COL22A1: variants seen among roughly 807,000 people sequenced by gnomAD.
The protein encoded by COL22A1 is collagen type XXII alpha 1 chain.
A neutral mutation model predicts 248.9 loss-of-function variants in COL22A1; 221 were observed. That is an observed-to-expected ratio of 0.89 (90% CI 0.80 to 0.99). The LOEUF (loss-of-function observed/expected upper bound fraction) is 0.99. COL22A1 is among the 50% of genes least tolerant of loss of function. The pLI, the probability that COL22A1 is intolerant of heterozygous loss-of-function variation, is 0.00. For synonymous variants in COL22A1, 891 were observed against 793.4 expected, an observed-to-expected ratio of 1.12 and a Z score of -2.07; for missense variants, 2,240 against 2,179.0, an observed-to-expected ratio of 1.03 and a Z score of -0.56.
chr8:138,772,888 CA>C (rs1260999024), intron 16 of COL22A1, among the ~76,000 whole-genome samples: 1 of 152,024 alleles, frequency 6.6e-6, no homozygotes, highest in Non-Finnish European at 1.5e-5. Context: ...AAAACAACAA[CA>C]AAAAACCCAT....
chr8:138,794,962 A>G (rs1174556254), intron 12 of COL22A1, among the ~76,000 whole-genome samples: 1 of 152,162 alleles, frequency 6.6e-6, no homozygotes, highest in Non-Finnish European at 1.5e-5. Context: ...AAGCAAAACG[A>G]ATGCATTCTA....
chr8:138,906,658 C>CT (rs371559054), intron 1 of COL22A1, among the ~76,000 whole-genome samples: 13,147 of 144,328 alleles, frequency 0.091, 619 homozygotes, highest in Non-Finnish European at 0.097. Flanking sequence ...CTTTCTTTTT[C>CT]TTTTTTTTTT....
intron 16 of COL22A1, among the ~76,000 whole-genome samples, chr8:138,768,978 G>T (rs1278399655): frequency 6.6e-6 from 1 of 151,790 alleles, no homozygotes; most frequent in Non-Finnish European, 1.5e-5. Context: ...CAACTCAAAT[G>T]CTACCTCCCC....
At chr8:138,689,834 A>G (rs1300224632) in intron 36 of COL22A1, among the ~76,000 whole-genome samples, 1 of 152,196 alleles carries the variant, frequency 6.6e-6, no homozygotes, top group Non-Finnish European at 1.5e-5. Flanking sequence ...GTACGCTCAG[A>G]GCGATGACAG....
intron 3 of COL22A1, among the ~76,000 whole-genome samples, chr8:138,855,234 A>G (rs750188428): frequency 7.9e-5 from 12 of 152,230 alleles, no homozygotes; most frequent in Non-Finnish European, 1.2e-4. Context: ...TTCACTTTGC[A>G]TACATATCAA....
chr8:138,764,772 A>G (rs986324117), intron 16 of COL22A1, among the ~76,000 whole-genome samples: 1 of 152,138 alleles, frequency 6.6e-6, no homozygotes, highest in Admixed American at 6.5e-5. Flanking sequence ...CACCCTGGCC[A>G]ACATGGTGAA....
chr8:138,821,263 G>C lies in COL22A1; in HGVS notation c.1118C>G (p.Ala373Gly). 1 of 1,614,196 alleles carries C rather than the reference G, an allele frequency of 6.2e-7. No individual in the cohort carries two copies. The highest frequency in any genetic ancestry group is 8.5e-7 in the Non-Finnish European group (1 of 1,180,032). ...DWHKMALSIQ[A>G]QNVSLHIDCA... The stretch of plus-strand genomic sequence containing the variant: ...GTCAATGTGCAGGGAGACGTTCTGG[G>C]CCTGGATGCTCAGGGCCATCTTGTG... Residue 373 changes from alanine to glycine, a missense_variant, in exon 7 of 65, where the codon GCC (alanine) becomes GGC (glycine). Physicochemically the swap from Ala to Gly is moderately conservative, Grantham distance 60. Coordinates refer to ENST00000303045, the MANE Select transcript of COL22A1 (RefSeq NM_152888.3).
At chr8:138,841,894 T>C (rs1563832966) in intron 4 of COL22A1, among the ~76,000 whole-genome samples, 1 of 152,172 alleles carries the variant, frequency 6.6e-6, no homozygotes, top group Non-Finnish European at 1.5e-5. Context: ...GCTCTGAATA[T>C]TGCAACGCAG....
chr8:138,697,958 C>T (rs910771905), intron 32 of COL22A1, among the ~76,000 whole-genome samples: 11 of 152,218 alleles, frequency 7.2e-5, no homozygotes, highest in Non-Finnish European at 1.5e-4. Flanking sequence ...CCCAGGCTCC[C>T]GCAGCAATGC....
chr8:138,700,634 ACT>A (rs1442972837), intron 31 of COL22A1, among the ~76,000 whole-genome samples: 4 of 151,832 alleles, frequency 2.6e-5, no homozygotes, highest in African/African-American at 9.7e-5. Context: ...GGCTACAAAG[ACT>A]CTGGCGGACT....
At chr8:138,740,047 A>G (rs1327209504) in intron 22 of COL22A1, among the ~76,000 whole-genome samples, 1 of 152,232 alleles carries the variant, frequency 6.6e-6, no homozygotes, top group African/African-American at 2.4e-5. Context: ...GCTGATCATA[A>G]GACAGCTAAG....
At chr8:138,718,369 T>C (rs1370347974) in intron 27 of COL22A1, among the ~76,000 whole-genome samples, 1 of 152,222 alleles carries the variant, frequency 6.6e-6, no homozygotes, top group African/African-American at 2.4e-5. Context: ...TGGGAGTTGC[T>C]TCTTACATGC....
intron 2 of COL22A1, 29 bp downstream of exon 2, chr8:138,883,053 C>G: frequency 6.5e-7 from 1 of 1,543,542 alleles, no homozygotes. Flanking sequence ...GTCCCCAGCA[C>G]AGCATGGCAC....
At chr8:138,647,939 C>T (rs1357532332) in intron 46 of COL22A1, among the ~76,000 whole-genome samples, 2 of 152,132 alleles carry the variant, frequency 1.3e-5, no homozygotes, top group African/African-American at 2.4e-5. Flanking sequence ...GGTTAAGACT[C>T]CTGGAATAAA....
intron 47 of COL22A1, among the ~76,000 whole-genome samples, chr8:138,645,981 G>C (rs1822170936): frequency 1.3e-5 from 2 of 152,176 alleles, no homozygotes; most frequent in African/African-American, 4.8e-5. Context: ...CCAGCACTCA[G>C]GCAGTTTCTT....
chr8:138,846,669 A>T (rs1821269083), intron 3 of COL22A1, among the ~76,000 whole-genome samples: 1 of 152,164 alleles, frequency 6.6e-6, no homozygotes. Flanking sequence ...TAGGGTTAGC[A>T]TCCATGGCTC....
intron 3 of COL22A1, among the ~76,000 whole-genome samples, chr8:138,862,399 G>A (rs975925271): frequency 1.4e-4 from 21 of 152,150 alleles, no homozygotes; most frequent in African/African-American, 3.6e-4. Context: ...CAGAAGCTGC[G>A]GGGCACTGGC....
intron 12 of COL22A1, among the ~76,000 whole-genome samples, chr8:138,782,875 C>G (rs1291660284): frequency 6.6e-6 from 1 of 152,212 alleles, no homozygotes; most frequent in Non-Finnish European, 1.5e-5. Flanking sequence ...GGAAAGAACA[C>G]CTTTGCCAGC....
intron 1 of COL22A1, among the ~76,000 whole-genome samples, chr8:138,905,564 C>T (rs556510040): frequency 6.6e-6 from 1 of 152,278 alleles, no homozygotes; most frequent in South Asian, 2.1e-4. Flanking sequence ...GCTCCCATTT[C>T]TGCCCCTGGG....
Sources: allele counts gnomAD v4.1 joint callset (sites outside exome capture counted in the v4.1 genomes callset), GRCh38; gene constraint gnomAD v4.1.1; transcripts MANE v1.5; gene names NCBI Gene and HGNC (gene_info 2026-07-23, HGNC 2026-07-21).